Variants in MYH7B observed in about 807,000 individuals in gnomAD.
The protein encoded by MYH7B is myosin heavy chain 7B, also known as myosin-7B.
Under a neutral mutation model 234.5 loss-of-function variants are expected in MYH7B, and 205 were observed. The ratio of observed to expected loss-of-function variants is 0.87; its 90% CI spans 0.78 to 0.98. The LOEUF is 0.98. Ranked by LOEUF, MYH7B falls within the 50% of genes least tolerant of loss-of-function variation. MYH7B has a pLI of 0.00. For missense variants in MYH7B, 2,652 were observed against 2,633.4 expected, an observed-to-expected ratio of 1.01 and a Z score of -0.15; for synonymous variants, 1,193 against 1,105.0, an observed-to-expected ratio of 1.08 and a Z score of -1.58.
At chr20:34,995,045 G>C (rs6120786) in intron 27 of MYH7B, among the ~76,000 whole-genome samples, 2 of 152,198 alleles carry the variant, frequency 1.3e-5, no homozygotes, top group Non-Finnish European at 2.9e-5. Context: ...CCCCTCGGAA[G>C]GCCTCAGCCC....
chr20:34,987,910 T>C (rs1308224212), exon 18 of MYH7B: 2 of 1,596,256 alleles, frequency 1.3e-6, no homozygotes, highest in African/African-American at 1.3e-5. Context: ...TTTGAGATCT[T>C]TGAGGTGAGG....
chr20:35,000,156 C>A, intron 38 of MYH7B, 137 bp from the exon 39 acceptor site: 1 of 1,124,434 alleles, frequency 8.9e-7, no homozygotes, highest in Non-Finnish European at 1.3e-6. Context: ...GGGCCACAGG[C>A]AGTCACAAGA....
At chr20:34,972,423 A>T (rs375634065) in intron 2 of MYH7B, among the ~76,000 whole-genome samples, 38 of 152,070 alleles carry the variant, frequency 2.5e-4, no homozygotes, top group African/African-American at 8.7e-4. Context: ...GCCTCTTCAG[A>T]GAGGCCCTCC....
chr20:34,996,248 C>T (rs1297187140), intron 28 of MYH7B, 98 bp from the exon 29 acceptor site: 19 of 1,385,450 alleles, frequency 1.4e-5, no homozygotes, highest in East Asian at 2.5e-5. Context: ...GCCTGAGTCC[C>T]ATAGCTGGAA....
chr20:34,990,684 A>G, intron 22 of MYH7B, 54 bp from the exon 23 acceptor site: 2 of 1,560,642 alleles, frequency 1.3e-6, no homozygotes, highest in Non-Finnish European at 1.8e-6. Flanking sequence ...TGCGGCATCC[A>G]ATTCTGGTTC....
At chr20:34,966,334 C>T (rs748411453) in intron 2 of MYH7B, among the ~76,000 whole-genome samples, 1 of 152,198 alleles carries the variant, frequency 6.6e-6, no homozygotes, top group East Asian at 1.9e-4. Flanking sequence ...TGAGCAACAC[C>T]TTGGAAGAAT....
rs1300781989 is a variant in MYH7B at position 34,990,740 on chromosome 20, G to GGT, written c.1980_1981insGT (p.Asn661ValfsTer6). 6 of 1,614,034 alleles carry GGT rather than the reference G, an allele frequency of 3.7e-6. No individual in the cohort carries two copies. The highest frequency in any genetic ancestry group is 5.1e-6 in the Non-Finnish European group (6 of 1,180,026). ...CCCTCACTCTTCCCCACTGCCAGGA[G>GGT]AACCTCAACAAGCTGATGACCAACC... On this transcript the variant is annotated frameshift_variant, in exon 23 of 45. Coordinates refer to ENST00000262873, the Ensembl canonical transcript of MYH7B. LOFTEE classifies it high-confidence loss of function.
chr20:34,994,427 G>C, intron 27 of MYH7B, 26 bp downstream of exon 27: 4 of 1,544,518 alleles, frequency 2.6e-6, no homozygotes, highest in African/African-American at 1.4e-5. Flanking sequence ...CCTTGTGACC[G>C]GGCGTCCCCA....
In MYH7B at chr20:35,000,687, CAGGTGGGGACAGG is replaced by C. The variant is rs1299331340; in HGVS notation, c.5178+1_5178+13del. 1.1e-5 allele frequency: 17 copies of C among 1,594,266 alleles called. No individual in the cohort carries two copies. Among genetic ancestry groups the C allele is most frequent in the Non-Finnish European group, 1.4e-5 (16 of 1,171,268 alleles). On this transcript the variant is annotated splice_donor_variant and splice_donor_5th_base_variant and coding_sequence_variant and intron_variant, in exon 39 of 45. Coordinates refer to ENST00000262873, the Ensembl canonical transcript of MYH7B. LOFTEE classifies it high-confidence loss of function. The stretch of plus-strand genomic sequence containing the variant: ...CGAGCGCCTCAACCTTCTGCATTCG[CAGGTGGGGACAGG>C]AGTCCCTGGGGACAGAGCAGGTGCA...
chr20:34,971,885 A>G (rs957090185), intron 2 of MYH7B, among the ~76,000 whole-genome samples: 7 of 152,186 alleles, frequency 4.6e-5, no homozygotes, highest in Admixed American at 6.5e-5. Flanking sequence ...AGCCCTTCAC[A>G]GTCCAGCCCA....
chr20:34,998,613 T>C (rs2082307959), exon 34 of MYH7B: 1 of 1,613,232 alleles, frequency 6.2e-7, no homozygotes, highest in Non-Finnish European at 8.5e-7. Flanking sequence ...CGGCGCCAGC[T>C]AGAGGAGGAA....
At chr20:34,983,633 C>G (rs534823923) in intron 10 of MYH7B, among the ~76,000 whole-genome samples, 1 of 152,118 alleles carries the variant, frequency 6.6e-6, no homozygotes, top group African/African-American at 2.4e-5. Flanking sequence ...AGAGGCTGCC[C>G]GCAGGAGCCA....
rs1382000753 is a variant in MYH7B, at chr20:34,986,170, CCT to C, written c.880_881del (p.Ser294ArgfsTer18). The C allele has an allele frequency of 1.3e-6, 2 of 1,598,588 alleles. No homozygotes were observed. The highest frequency in any genetic ancestry group is 3.4e-5 in the Admixed American group (2 of 58,114). On this transcript the variant is annotated frameshift_variant, in exon 14 of 45. Transcript: ENST00000262873. LOFTEE classifies it high-confidence loss of function. The stretch of plus-strand genomic sequence containing the variant: ...GCAGCTACCATGTCTACTACCAGAT[CCT>C]CTCAGGGAGGAAGCCAGAGCTGCAG...
exon 40 of MYH7B, chr20:35,000,849 G>A (rs959772804): frequency 2.5e-6 from 4 of 1,613,486 alleles, no homozygotes; most frequent in Non-Finnish European, 3.4e-6. Flanking sequence ...GGCTGCACAG[G>A]AGAGGCGGGA....
chr20:35,001,919 C>A, intron 43 of MYH7B, 29 bp from the exon 44 acceptor site: 6 of 1,601,300 alleles, frequency 3.7e-6, no homozygotes, highest in South Asian at 1.1e-5. Flanking sequence ...GTCACCCAAG[C>A]GGAACCAAGG....
rs556615369 is a variant in MYH7B, at chr20:34,958,123, A to T, written c.-311A>T. On this transcript the variant is annotated 5_prime_UTR_variant, in exon 2 of 45. An upstream open reading frame in the 5' UTR gains an earlier in-frame stop. Coordinates refer to ENST00000262873, the Ensembl canonical transcript of MYH7B. ...GTTCCCCTCTTCCAAGACGGGTGCC[A>T]AGTGATGAGTATCAGGTGTCTATGG... is the stretch of plus-strand genomic sequence containing the variant. 2.0e-5 allele frequency among the ~76,000 whole-genome samples: 3 copies of T among 152,358 alleles called. No homozygotes were observed. Among genetic ancestry groups the T allele is most frequent in the African/African-American group, 7.2e-5 (3 of 41,586 alleles).
In MYH7B at chr20:34,977,684, G is replaced by C. The variant is rs6120780; in HGVS notation, c.-73+4G>C. 3 of 1,554,284 alleles carry C rather than the reference G, an allele frequency of 1.9e-6. No individual in the cohort carries two copies. Among genetic ancestry groups the C allele is most frequent in the Middle Eastern group, 1.7e-4 (1 of 5,928 alleles). Reference sequence around the variant, plus strand: ...CTGCCCTCACCGTGGTGCCGAGGTAGGTGATCAGGGCTGGGGTTGGAGCCG... The same window carrying C: ...CTGCCCTCACCGTGGTGCCGAGGTACGTGATCAGGGCTGGGGTTGGAGCCG... On this transcript the variant is annotated splice_donor_region_variant and intron_variant, in intron 4 of 44. Coordinates refer to ENST00000262873, the Ensembl canonical transcript of MYH7B.
chr20:34,983,524 G>A (rs919442936), intron 10 of MYH7B, among the ~76,000 whole-genome samples: 23 of 152,110 alleles, frequency 1.5e-4, no homozygotes, highest in African/African-American at 5.3e-4. Context: ...AGAGGCCAGA[G>A]CTGGCAGGGA....
At chr20:34,965,593 T>A (rs1261257039) in intron 2 of MYH7B, among the ~76,000 whole-genome samples, 2 of 152,168 alleles carry the variant, frequency 1.3e-5, no homozygotes, top group Admixed American at 6.5e-5. Context: ...GGTAGACAGA[T>A]GATAATAAGC....
Sources: gnomAD v4.1 joint callset for allele counts (sites outside exome capture counted in the v4.1 genomes callset) on GRCh38, gnomAD v4.1.1 for gene constraint, MANE v1.5 for transcripts, NCBI Gene and HGNC (gene_info 2026-07-23, HGNC 2026-07-21) for gene names.